MTHFD1L: variants seen among roughly 807,000 people sequenced by gnomAD.
MTHFD1L encodes the protein methylenetetrahydrofolate dehydrogenase (NADP+ dependent) 1 like.
A neutral mutation model predicts 119.5 loss-of-function variants in MTHFD1L; 81 were observed. The ratio of observed to expected loss-of-function variants is 0.68; its 90% confidence interval spans 0.57 to 0.82. The LOEUF is 0.82. MTHFD1L is among the 40% of genes least tolerant of loss of function. The probability of loss-of-function intolerance (pLI) is 0.00; values close to 1 mark genes in which losing one functional copy is unlikely to be tolerated. For missense variants in MTHFD1L, 1,125 were observed against 1,253.4 expected (o/e 0.90, Z 1.55); for synonymous variants, 430 against 475.2 (o/e 0.90, Z 1.24).
chr6:150,883,182 G>A (rs1399169489), intron 5 of MTHFD1L, among the ~76,000 whole-genome samples: 3 of 151,980 alleles, frequency 2.0e-5, no homozygotes, highest in South Asian at 4.2e-4. Flanking sequence ...ACAGGCATGC[G>A]CTACCATGCC....
Position 150,939,110 on chromosome 6 carries a change from C to T in MTHFD1L, c.1440+365C>T, listed in dbSNP as rs115935848. ...AAAAATTCAGAATCTTGAAACCCTG[C>T]TGGCCTTGCGGGTCTGGATGAGAGA... On this transcript the variant is annotated intron_variant, in intron 13 of 27. Coordinates refer to ENST00000367321, the MANE Select transcript of MTHFD1L (RefSeq NM_015440.5). The T allele has an allele frequency of 2.8e-3, 641 of 231,034 alleles. 4 individuals carry two copies. The highest frequency in any genetic ancestry group is 0.014 in the African/African-American group (611 of 45,210). The allele number at this position is 231,034 out of a possible 1,614,324, so 14.3% of individuals were successfully genotyped here.
intron 7 of MTHFD1L, among the ~76,000 whole-genome samples, chr6:150,904,965 A>G (rs760471442): frequency 2.0e-5 from 3 of 149,370 alleles, no homozygotes; most frequent in Non-Finnish European, 3.0e-5. Flanking sequence ...TCTCATTGTG[A>G]TGGTGCCATT....
chr6:150,994,077 A>AAGAAAG (rs1554273888), intron 20 of MTHFD1L, among the ~76,000 whole-genome samples: 3 of 105,298 alleles, frequency 2.8e-5, no homozygotes, highest in South Asian at 3.0e-4. Context: ...AAAAAAAAAA[A>AAGAAAG]AAAGAAAGAA....
intron 17 of MTHFD1L, among the ~76,000 whole-genome samples, chr6:150,958,854 AGT>A (rs1468210306): frequency 3.9e-5 from 6 of 152,216 alleles, no homozygotes; most frequent in African/African-American, 1.4e-4. Context: ...TAATTGACCC[AGT>A]GTGTTTCATT....
intron 8 of MTHFD1L, 121 bp downstream of exon 8, chr6:150,905,882 G>A: frequency 1.3e-6 from 1 of 762,404 alleles, no homozygotes; most frequent in Non-Finnish European, 2.2e-6. Flanking sequence ...TAATATATAG[G>A]GTAGGAAACT....
At chr6:151,077,942 TC>T (rs1792721373) in intron 26 of MTHFD1L, among the ~76,000 whole-genome samples, 2 of 144,128 alleles carry the variant, frequency 1.4e-5, no homozygotes, top group Non-Finnish European at 3.0e-5. Context: ...CCCCAGCTAC[TC>T]CGGAGAGGCT....
intron 27 of MTHFD1L, 133 bp downstream of exon 27, chr6:151,092,720 A>C: frequency 1.6e-6 from 1 of 611,304 alleles, no homozygotes; most frequent in Non-Finnish European, 2.8e-6. Context: ...TCAAATTCCT[A>C]CCAAATGATT....
At chr6:150,869,204 A>G (rs1459634602) in intron 1 of MTHFD1L, among the ~76,000 whole-genome samples, 1 of 152,176 alleles carries the variant, frequency 6.6e-6, no homozygotes, top group South Asian at 2.1e-4. Flanking sequence ...AAACGTGCCG[A>G]ACGTGCAGGT....
intron 24 of MTHFD1L, among the ~76,000 whole-genome samples, chr6:151,030,876 G>A (rs1349808674): frequency 1.3e-5 from 2 of 152,134 alleles, no homozygotes; most frequent in Non-Finnish European, 2.9e-5. Flanking sequence ...CAGCTAATAT[G>A]AACATTGAAT....
intron 9 of MTHFD1L, among the ~76,000 whole-genome samples, chr6:150,921,694 C>T (rs116843379): frequency 0.012 from 1,880 of 152,248 alleles, 64 homozygotes; most frequent in Admixed American, 0.071. Context: ...ATTATAGGTG[C>T]GCATCACCAC....
In MTHFD1L at chr6:150,949,057, G is replaced by T; in HGVS notation, c.1650G>T (p.Pro550=). Residue 550 remains proline, a synonymous_variant, in exon 16 of 28, where the codon CCG becomes CCT. Transcript: ENST00000367321. ...LKKLGINKTD[P]STLTEEEVSK... ...AACTGGGAATAAATAAGACTGATCC[G>T]AGCACACTGACAGAAGAGGAAGTGA... 6.2e-7 allele frequency: 1 copy of T among 1,613,742 alleles called. No homozygotes were observed. Among genetic ancestry groups the T allele is most frequent in the South Asian group, 1.1e-5 (1 of 91,058 alleles).
chr6:151,085,764 C>G (rs1483146208), intron 26 of MTHFD1L, among the ~76,000 whole-genome samples: 3 of 73,818 alleles, frequency 4.1e-5, no homozygotes, highest in East Asian at 1.3e-3. Flanking sequence ...GAGCGAGACT[C>G]TGTCTCAAAA....
chr6:150,867,306 C>G (rs923640686), intron 1 of MTHFD1L, among the ~76,000 whole-genome samples: 1 of 152,200 alleles, frequency 6.6e-6, no homozygotes, highest in African/African-American at 2.4e-5. Flanking sequence ...ATTCTCCCGC[C>G]TTAGCCTCCA....
chr6:151,026,499 G>C (rs547619764), intron 24 of MTHFD1L, among the ~76,000 whole-genome samples: 2 of 152,152 alleles, frequency 1.3e-5, no homozygotes, highest in Non-Finnish European at 2.9e-5. Context: ...GATAGAAAGT[G>C]GCAGTGGACA....
intron 26 of MTHFD1L, among the ~76,000 whole-genome samples, chr6:151,055,605 G>T (rs1240830462): frequency 6.7e-6 from 1 of 149,538 alleles, no homozygotes; most frequent in African/African-American, 2.5e-5. Flanking sequence ...TCGGCTCACC[G>T]CAACCTCCGC....
rs1483748176 is a variant in MTHFD1L, at chr6:151,090,044, T to C, written c.2848-2423T>C. On this transcript the variant is annotated intron_variant, in intron 26 of 27. Transcript: ENST00000367321. ...CAGCTGTGGAAGCCTTTTTAGCCCATTTATATACCTGAAGTGCAGTCATGT... is the reference window on the plus strand; with the variant it reads ...CAGCTGTGGAAGCCTTTTTAGCCCACTTATATACCTGAAGTGCAGTCATGT... Among the ~76,000 whole-genome samples, 3 of 152,288 alleles carry C rather than the reference T, an allele frequency of 2.0e-5. No homozygotes were observed. In the East Asian group the frequency reaches 5.8e-4, roughly 29 times the overall value.
intron 20 of MTHFD1L, among the ~76,000 whole-genome samples, chr6:151,007,114 C>T (rs1014041461): frequency 4.0e-5 from 6 of 151,776 alleles, no homozygotes; most frequent in Non-Finnish European, 2.9e-5. Context: ...CTCTTCTTTC[C>T]TCCCTCTCCT....
chr6:151,087,705 C>G (rs1195253685), intron 26 of MTHFD1L, among the ~76,000 whole-genome samples: 1 of 152,106 alleles, frequency 6.6e-6, no homozygotes, highest in East Asian at 1.9e-4. Flanking sequence ...TTCTTAATGA[C>G]TAGTTTTAAA....
Position 151,016,019 on chromosome 6 carries a change from G to A in MTHFD1L, c.2586+326G>A, listed in dbSNP as rs970639366. 4.6e-5 allele frequency among the ~76,000 whole-genome samples: 7 copies of A among 152,188 alleles called. 1 individual carries two copies. Among genetic ancestry groups the A allele is most frequent in the East Asian group, 1.9e-4 (1 of 5,168 alleles). On this transcript the variant is annotated intron_variant, in intron 24 of 27. Coordinates refer to ENST00000367321, the MANE Select transcript of MTHFD1L (RefSeq NM_015440.5). ...GGAGAATTGCTTGAACCCAGGAGGTGGAGGCTGCAGTGAGCCAAGATCGAG... is the reference window on the plus strand; with the variant it reads ...GGAGAATTGCTTGAACCCAGGAGGTAGAGGCTGCAGTGAGCCAAGATCGAG...
Sources: gnomAD v4.1 joint callset for allele counts (sites outside exome capture counted in the v4.1 genomes callset) on GRCh38, gnomAD v4.1.1 for gene constraint, MANE v1.5 for transcripts, NCBI Gene and HGNC (gene_info 2026-07-23, HGNC 2026-07-21) for gene names.